The following SCCPDH variants were observed in gnomAD, a reference collection of about 807,000 sequenced individuals.
SCCPDH encodes saccharopine dehydrogenase (putative).
In SCCPDH, 34 loss-of-function variants were observed where a neutral mutation model predicts 51.5. The observed-to-expected ratio is 0.66, with a 90% confidence interval of 0.50 to 0.88. The LOEUF is 0.88. SCCPDH is among the 40% of genes least tolerant of loss of function. The pLI is 0.00. For missense variants in SCCPDH, 464 were observed against 527.1 expected (o/e 0.88, Z 1.17); for synonymous variants, 187 against 191.3 (o/e 0.98, Z 0.19).
chr1:246,753,364 A>G (rs1266049518), intron 5 of SCCPDH, among the ~76,000 whole-genome samples: 2 of 152,042 alleles, frequency 1.3e-5, no homozygotes, highest in Non-Finnish European at 2.9e-5. Flanking sequence ...TTTCTTATTA[A>G]TATCTGGCCA....
Position 246,764,266 on chromosome 1 carries a change from G to T in SCCPDH, c.1011G>T (p.Thr337=). ...TQKQIDAASF[T]LTFFGQGYSQ... Reference sequence around the variant, plus strand: ...CACAGATTGATGCTGCCTCATTCACGCTGACATTCTTTGGTCAAGGATACA... The same window carrying T: ...CACAGATTGATGCTGCCTCATTCACTCTGACATTCTTTGGTCAAGGATACA... Residue 337 remains threonine, a synonymous_variant, in exon 10 of 12, where the codon ACG becomes ACT. Transcript: ENST00000366510. The T allele has an allele frequency of 6.2e-7, 1 of 1,612,996 alleles. No homozygotes were observed. The highest frequency in any genetic ancestry group is 8.5e-7 in the Non-Finnish European group (1 of 1,179,304).
At position 246,736,676 on chromosome 1, in the gene SCCPDH, G is replaced by T. The variant is rs569278960; in HGVS notation, c.384+621G>T. Among the ~76,000 whole-genome samples the T allele has an allele frequency of 1.8e-4, 27 of 152,130 alleles. No individual in the cohort carries two copies. The East Asian group carries it at 5.2e-3, about 29-fold the overall frequency. ...AGATCACTCCACTGCACTCCAGCCTGCGCCACAGAGCGAGAGCGAGACTCT... is the reference window on the plus strand; with the variant it reads ...AGATCACTCCACTGCACTCCAGCCTTCGCCACAGAGCGAGAGCGAGACTCT... On this transcript the variant is annotated intron_variant, in intron 3 of 11. Transcript: ENST00000366510.
At chr1:246,745,164 ACG>A (rs1668738623) in intron 5 of SCCPDH, among the ~76,000 whole-genome samples, 5 of 151,610 alleles carry the variant, frequency 3.3e-5, no homozygotes, top group African/African-American at 9.6e-5. Flanking sequence ...GCATTTGGGA[ACG>A]TAAGACATTG....
intron 2 of SCCPDH, among the ~76,000 whole-genome samples, chr1:246,727,851 G>A (rs1668425567): frequency 6.6e-6 from 1 of 152,256 alleles, no homozygotes; most frequent in East Asian, 1.9e-4. Flanking sequence ...CCCGGGAGCT[G>A]GGTCATGTGG....
intron 3 of SCCPDH, among the ~76,000 whole-genome samples, chr1:246,739,274 GTGATA>G (rs926900240): frequency 3.3e-5 from 5 of 152,186 alleles, no homozygotes; most frequent in African/African-American, 9.7e-5. Flanking sequence ...TAGCCCCGAT[GTGATA>G]TGATATGATA....
At chr1:246,758,917 G>A (rs1668972072) in intron 6 of SCCPDH, 117 bp from the exon 7 acceptor site, 3 of 745,440 alleles carry the variant, frequency 4.0e-6, no homozygotes, top group Admixed American at 1.9e-5. Context: ...GCCTCCCAAA[G>A]TGCTGGGATT....
intron 3 of SCCPDH, among the ~76,000 whole-genome samples, chr1:246,737,487 A>C (rs913287738): frequency 6.6e-6 from 1 of 152,142 alleles, no homozygotes; most frequent in Admixed American, 6.6e-5. Context: ...GTCTCCAAAA[A>C]ACAAAAACAA....
chr1:246,734,170 A>C (rs1319286591), intron 2 of SCCPDH, among the ~76,000 whole-genome samples: 1 of 152,160 alleles, frequency 6.6e-6, no homozygotes, highest in Admixed American at 6.6e-5. Context: ...AGGTGGACTC[A>C]TGGCCAACTT....
chr1:246,731,477 G>A (rs774278930), intron 2 of SCCPDH, among the ~76,000 whole-genome samples: 7 of 152,232 alleles, frequency 4.6e-5, no homozygotes, highest in African/African-American at 7.2e-5. Context: ...AAGTGAGCCT[G>A]TGGCTGTAAG....
chr1:246,727,842 C>T (rs906259457), intron 2 of SCCPDH, among the ~76,000 whole-genome samples: 2 of 152,036 alleles, frequency 1.3e-5, no homozygotes, highest in Non-Finnish European at 2.9e-5. Flanking sequence ...AGAGAGCAAC[C>T]CGGGAGCTGG....
chr1:246,732,490 C>A (rs545058645), intron 2 of SCCPDH, among the ~76,000 whole-genome samples: 1 of 152,176 alleles, frequency 6.6e-6, no homozygotes, highest in Non-Finnish European at 1.5e-5. Context: ...CGGGTTCAAG[C>A]AATTCTCCTG....
chr1:246,726,109 G>C (rs986577598), intron 1 of SCCPDH, among the ~76,000 whole-genome samples: 2 of 152,104 alleles, frequency 1.3e-5, no homozygotes, highest in African/African-American at 4.8e-5. Flanking sequence ...CACCCTTCTC[G>C]GCTTTCCAAA....
In SCCPDH at chr1:246,733,499, C is replaced by T. The variant is rs1430110335; in HGVS notation, c.304-2476C>T. Among the ~76,000 whole-genome samples, 4 of 150,958 alleles carry T rather than the reference C, an allele frequency of 2.6e-5. No individual in the cohort carries two copies. The Admixed American group carries it at 2.7e-4, about 10-fold the overall frequency. On this transcript the variant is annotated intron_variant, in intron 2 of 11. Coordinates refer to ENST00000366510, the MANE Select transcript of SCCPDH (RefSeq NM_016002.3). ...CGTAGCATCATATTTTATACACACACACACACACACACACTTTTTTTCTTA... is the reference window on the plus strand; with the variant it reads ...CGTAGCATCATATTTTATACACACATACACACACACACACTTTTTTTCTTA...
intron 5 of SCCPDH, among the ~76,000 whole-genome samples, chr1:246,748,595 A>G (rs777142705): frequency 2.0e-5 from 3 of 152,204 alleles, no homozygotes; most frequent in Non-Finnish European, 2.9e-5. Flanking sequence ...GCTGATTATA[A>G]TAGATGTAAT....
At chr1:246,727,115 C>A (rs1041529335) in intron 2 of SCCPDH, 111 bp downstream of exon 2, 2 of 849,984 alleles carry the variant, frequency 2.4e-6, no homozygotes, top group Non-Finnish European at 3.8e-6. Context: ...AAGGCCTTAA[C>A]CCCATATGGG....
chr1:246,737,330 A>G (rs950461448), intron 3 of SCCPDH, among the ~76,000 whole-genome samples: 3 of 151,858 alleles, frequency 2.0e-5, no homozygotes, highest in Non-Finnish European at 4.4e-5. Context: ...TGAGTTAACA[A>G]ATTAGCCAGG....
chr1:246,759,194 G>C lies in SCCPDH; in HGVS notation c.813+43G>C, dbSNP rs370740175. 5 of 1,060,374 alleles carry C rather than the reference G, an allele frequency of 4.7e-6. 1 individual carries two copies. Among genetic ancestry groups the C allele is most frequent in the Admixed American group, 3.5e-5 (2 of 57,126 alleles). 65.7% of individuals were successfully genotyped at this position (1,060,374 alleles called of 1,614,324 possible). ...ATTTATCAATAAAGTGTGTGTTACA[G>C]TTCCTCTTTCTATTCAGTGTGGGAT... is the stretch of plus-strand genomic sequence containing the variant. On this transcript the variant is annotated intron_variant, in intron 7 of 11. Coordinates refer to ENST00000366510, the MANE Select transcript of SCCPDH (RefSeq NM_016002.3).
chr1:246,727,655 T>C (rs966182675), intron 2 of SCCPDH, among the ~76,000 whole-genome samples: 9 of 152,214 alleles, frequency 5.9e-5, no homozygotes, highest in African/African-American at 1.7e-4. Context: ...CTGTGAGGAA[T>C]TGACATTTGA....
In SCCPDH at chr1:246,724,493, C is replaced by T; in HGVS notation, c.71C>T (p.Thr24Ile). ...TCTGGCTTCACCGGCCAGTTCGTGACCGAGGAGGTGGCCCGGGAGCAGGTG... is the reference window on the plus strand; with the variant it reads ...TCTGGCTTCACCGGCCAGTTCGTGATCGAGGAGGTGGCCCGGGAGCAGGTG... ...GASGFTGQFV[T>I]EEVAREQVDP... is the part of the protein sequence containing the mutation. The change falls in exon 1 of 12, where the codon ACC becomes ATC. Residue 24 changes from threonine to isoleucine, a missense_variant. Physicochemically the swap from Thr to Ile is moderately conservative, Grantham distance 89 (BLOSUM62 -1). Transcript: ENST00000366510. 2 of 1,582,726 alleles carry T rather than the reference C, an allele frequency of 1.3e-6. No individual in the cohort carries two copies. Among genetic ancestry groups the T allele is most frequent in the Non-Finnish European group, 1.7e-6 (2 of 1,167,524 alleles).
Sources: gnomAD v4.1 joint callset for allele counts (sites outside exome capture counted in the v4.1 genomes callset) on GRCh38, gnomAD v4.1.1 for gene constraint, MANE v1.5 for transcripts, NCBI Gene and HGNC (gene_info 2026-07-23, HGNC 2026-07-21) for gene names.